SUGCT: variants seen among roughly 807,000 people sequenced by gnomAD.
SUGCT encodes the protein succinyl-CoA:glutarate CoA-transferase.
A neutral mutation model predicts 55.0 loss-of-function variants in SUGCT; 41 were observed. That is an observed-to-expected ratio of 0.74 (90% CI 0.58 to 0.97). The LOEUF (loss-of-function observed/expected upper bound fraction) is 0.97. Ranked by LOEUF, SUGCT falls within the 50% of genes least tolerant of loss-of-function variation. The probability of loss-of-function intolerance (pLI) is 0.00; values close to 1 mark genes in which losing one functional copy is unlikely to be tolerated. For synonymous variants in SUGCT, 187 were observed against 200.4 expected, an observed-to-expected ratio of 0.93 and a Z score of 0.56; for missense variants, 568 against 547.8, an observed-to-expected ratio of 1.04 and a Z score of -0.37.
intron 12 of SUGCT, among the ~76,000 whole-genome samples, chr7:40,717,899 G>T (rs934872109): frequency 6.6e-6 from 1 of 150,650 alleles, no homozygotes; most frequent in Admixed American, 6.6e-5. Context: ...TACTGAAAAT[G>T]GTACATAATG....
chr7:40,257,959 C>T (rs561220006), intron 7 of SUGCT, among the ~76,000 whole-genome samples: 1 of 152,284 alleles, frequency 6.6e-6, no homozygotes, highest in African/African-American at 2.4e-5. Context: ...AAATTACTTT[C>T]AATTGGAGGA....
chr7:40,450,224 G>A lies in SUGCT; in HGVS notation c.888+866G>A, dbSNP rs112288652. 4.5e-3 allele frequency among the ~76,000 whole-genome samples: 682 copies of A among 151,872 alleles called. 2 individuals carry two copies. The highest frequency in any genetic ancestry group is 7.2e-3 in the Admixed American group (110 of 15,218). On this transcript the variant is annotated intron_variant, in intron 10 of 13. Coordinates refer to ENST00000335693, the MANE Select transcript of SUGCT (RefSeq NM_001193313.2). ...ATTACAGGCGTGAACCACTGCACCCGGCCTACTAGACTTTTTTTTTCTTTA... is the reference window on the plus strand; with the variant it reads ...ATTACAGGCGTGAACCACTGCACCCAGCCTACTAGACTTTTTTTTTCTTTA...
rs370617673 is a variant in SUGCT at position 40,826,313 on chromosome 7, A to G, written c.1154-34003A>G. On this transcript the variant is annotated intron_variant, in intron 13 of 13. Coordinates refer to ENST00000335693, the MANE Select transcript of SUGCT (RefSeq NM_001193313.2). ...CATTTAGTATTCAGGAAAATTACAC[A>G]TAAGATTATATTTTATGATTTTTTT... Among the ~76,000 whole-genome samples the G allele has an allele frequency of 2.6e-5, 4 of 152,142 alleles. No homozygotes were observed. In the East Asian group the frequency reaches 5.8e-4, roughly 22 times the overall value.
intron 12 of SUGCT, among the ~76,000 whole-genome samples, chr7:40,588,960 G>A (rs189730246): frequency 1.0e-3 from 159 of 152,122 alleles, no homozygotes; most frequent in African/African-American, 3.8e-3. Flanking sequence ...TTGCTTGCTA[G>A]GAAATAATTC....
chr7:40,135,582 G>T (rs558357262), intron 1 of SUGCT, among the ~76,000 whole-genome samples: 1 of 152,246 alleles, frequency 6.6e-6, no homozygotes, highest in Non-Finnish European at 1.5e-5. Flanking sequence ...CTTTACTACA[G>T]TGTTATAGAA....
intron 11 of SUGCT, among the ~76,000 whole-genome samples, chr7:40,467,966 CT>C (rs79872831): frequency 0.012 from 1,504 of 124,250 alleles, 4 homozygotes; most frequent in African/African-American, 0.024. Context: ...TACTCATTTT[CT>C]TTTTTTTTTT....
At chr7:40,749,522 C>G (rs1294280745) in intron 13 of SUGCT, 25 bp downstream of exon 13, 3 of 1,582,430 alleles carry the variant, frequency 1.9e-6, no homozygotes, top group Non-Finnish European at 2.6e-6. Context: ...GGTATTTTCT[C>G]TAGCACCTTT....
chr7:40,330,772 A>G (rs114391279), intron 9 of SUGCT, among the ~76,000 whole-genome samples: 1 of 152,272 alleles, frequency 6.6e-6, no homozygotes, highest in African/African-American at 2.4e-5. Context: ...TTATTGATGT[A>G]AAAACAATAC....
chr7:40,173,366 A>T (rs1175381567), intron 1 of SUGCT, among the ~76,000 whole-genome samples: 1 of 152,226 alleles, frequency 6.6e-6, no homozygotes, highest in Admixed American at 6.5e-5. Context: ...GGTCTGCGAC[A>T]GCAGCAAACA....
intron 12 of SUGCT, among the ~76,000 whole-genome samples, chr7:40,521,289 G>GTGTAGTACAGTGCTTTCCCTGCCTA (rs1393886428): frequency 1.3e-5 from 2 of 152,082 alleles, no homozygotes; most frequent in East Asian, 3.9e-4. Context: ...TTTTTTAAAT[G>GTGTAGTACAGTGCTTTCCCTGCCTA]TGTAGTACAG....
chr7:40,923,192 A>G, the SUGCT span, among the ~76,000 whole-genome samples: 1 of 152,216 alleles, frequency 6.6e-6, no homozygotes, highest in Non-Finnish European at 1.5e-5. Flanking sequence ...GAGATTTTGT[A>G]TAGGAACTTA....
At chr7:40,267,650 G>A (rs1791689059) in intron 7 of SUGCT, among the ~76,000 whole-genome samples, 1 of 152,170 alleles carries the variant, frequency 6.6e-6, no homozygotes, top group South Asian at 2.1e-4. Flanking sequence ...AGTTCCAGAT[G>A]TGGAAGGGGG....
intron 8 of SUGCT, among the ~76,000 whole-genome samples, chr7:40,284,608 CAAAAA>C (rs35152488): frequency 5.5e-5 from 6 of 108,194 alleles, no homozygotes; most frequent in African/African-American, 1.7e-4. Context: ...ATTCCATTTC[CAAAAA>C]AAAAAAAAAA....
At chr7:40,990,816 C>T in the SUGCT span, among the ~76,000 whole-genome samples, 11 of 152,192 alleles carry the variant, frequency 7.2e-5, no homozygotes, top group Non-Finnish European at 1.5e-4. Context: ...CATTATCCAA[C>T]CTGTGCTAGC....
intron 13 of SUGCT, among the ~76,000 whole-genome samples, chr7:40,825,021 T>C (rs1413974344): frequency 6.6e-6 from 1 of 152,122 alleles, no homozygotes; most frequent in African/African-American, 2.4e-5. Flanking sequence ...GAACCCAAGC[T>C]CTTCCTGTCT....
At chr7:40,890,509 G>C in the SUGCT span, among the ~76,000 whole-genome samples, 9 of 151,736 alleles carry the variant, frequency 5.9e-5, no homozygotes, top group Non-Finnish European at 1.2e-4. Flanking sequence ...CAGTCATCAG[G>C]CTCAGCCCAG....
chr7:40,949,987 G>A, the SUGCT span, among the ~76,000 whole-genome samples: 3 of 152,128 alleles, frequency 2.0e-5, no homozygotes, highest in Admixed American at 2.0e-4. Context: ...TTCTAATTCT[G>A]TGAAGAAAGT....
chr7:40,347,638 C>T (rs931729783), intron 9 of SUGCT, among the ~76,000 whole-genome samples: 3 of 152,124 alleles, frequency 2.0e-5, no homozygotes, highest in Non-Finnish European at 4.4e-5. Context: ...TCAGAAGAGG[C>T]CAGTGTTATA....
the SUGCT span, among the ~76,000 whole-genome samples, chr7:40,944,518 C>T: frequency 2.0e-5 from 3 of 151,948 alleles, no homozygotes; most frequent in Non-Finnish European, 2.9e-5. Flanking sequence ...GTTTTCCCAG[C>T]ACCATTTATT....
Sources: allele counts gnomAD v4.1 joint callset (sites outside exome capture counted in the v4.1 genomes callset), GRCh38; gene constraint gnomAD v4.1.1; transcripts MANE v1.5; gene names NCBI Gene and HGNC (gene_info 2026-07-23, HGNC 2026-07-21).